PRKCE: variants seen among roughly 807,000 people sequenced by gnomAD.
The protein encoded by PRKCE is protein kinase C epsilon type.
A neutral mutation model predicts 85.4 loss-of-function variants in PRKCE; 16 were observed. The observed-to-expected ratio is 0.19, with a 90% CI of 0.13 to 0.28. PRKCE has a LOEUF of 0.28. Ranked by LOEUF, PRKCE falls within the 10% of genes least tolerant of loss-of-function variation. PRKCE has a pLI of 1.00. For missense variants in PRKCE, 573 were observed against 975.2 expected (o/e 0.59, Z 5.49); for synonymous variants, 388 against 371.5 (o/e 1.04, Z -0.51).
At chr2:46,123,634 G>A (rs369801264) in intron 11 of PRKCE, among the ~76,000 whole-genome samples, 45 of 152,214 alleles carry the variant, frequency 3.0e-4, no homozygotes, top group African/African-American at 7.2e-4. Flanking sequence ...AACTACAGGC[G>A]TGCACCACCA....
At position 45,688,042 on chromosome 2, in the gene PRKCE, A is replaced by G. The variant is rs368359321; in HGVS notation, c.348+35594A>G. 3.3e-4 allele frequency among the ~76,000 whole-genome samples: 50 copies of G among 152,320 alleles called. No individual in the cohort carries two copies. The East Asian group carries it at 4.2e-3, about 13-fold the overall frequency. ...TGGCCCTCTGGCAGTGTCTCAAGGG[A>G]GAAGTTTCTCTAGGGCCATTTTCTT... On this transcript the variant is annotated intron_variant, in intron 1 of 14. Coordinates refer to ENST00000306156, the MANE Select transcript of PRKCE (RefSeq NM_005400.3).
At chr2:46,098,626 C>A (rs1392293334) in intron 11 of PRKCE, among the ~76,000 whole-genome samples, 2 of 152,018 alleles carry the variant, frequency 1.3e-5, no homozygotes, top group African/African-American at 4.8e-5. Flanking sequence ...AATTTGACAT[C>A]AATATATTTT....
intron 10 of PRKCE, among the ~76,000 whole-genome samples, chr2:46,074,446 AAAG>A (rs1558423634): frequency 6.7e-6 from 1 of 149,930 alleles, no homozygotes; most frequent in Non-Finnish European, 1.5e-5. Flanking sequence ...AAAAAAAAAA[AAAG>A]AAAAACACGG....
intron 1 of PRKCE, among the ~76,000 whole-genome samples, chr2:45,717,557 G>T (rs771192655): frequency 5.3e-5 from 8 of 152,210 alleles, no homozygotes; most frequent in Admixed American, 3.9e-4. Context: ...AGCAAAATAC[G>T]TTCCTTCTAA....
intron 9 of PRKCE, among the ~76,000 whole-genome samples, chr2:46,008,668 C>G (rs1190285205): frequency 6.6e-6 from 1 of 152,188 alleles, no homozygotes; most frequent in African/African-American, 2.4e-5. Flanking sequence ...TGATACCACT[C>G]TGGTGGGAAG....
intron 2 of PRKCE, among the ~76,000 whole-genome samples, chr2:45,947,312 G>A (rs538085780): frequency 6.6e-6 from 1 of 152,230 alleles, no homozygotes; most frequent in Admixed American, 6.5e-5. Context: ...GAGCCAGGGG[G>A]TGGGGGAGAG....
intron 2 of PRKCE, among the ~76,000 whole-genome samples, chr2:45,906,898 C>G (rs916253457): frequency 6.6e-6 from 1 of 152,224 alleles, no homozygotes; most frequent in Admixed American, 6.5e-5. Flanking sequence ...CTGCGCTTGG[C>G]TGGGACAGTG....
At chr2:46,074,429 C>CAAAAAAAAAAAAAAAAAAAAAAAAAAA (rs11287357) in intron 10 of PRKCE, among the ~76,000 whole-genome samples, 35 of 93,772 alleles carry the variant, frequency 3.7e-4, no homozygotes, top group Non-Finnish European at 5.5e-4. Flanking sequence ...CAACAACAAC[C>CAAAAAAAAAAAAAAAAAAAAAAAAAAA]AAAAAAAAAA....
chr2:45,847,469 A>G (rs1691888050), intron 2 of PRKCE, among the ~76,000 whole-genome samples: 1 of 152,230 alleles, frequency 6.6e-6, no homozygotes, highest in African/African-American at 2.4e-5. Flanking sequence ...GACTTTTTTC[A>G]AGTTGCACAG....
At chr2:45,798,215 AG>A (rs1687590181) in intron 1 of PRKCE, among the ~76,000 whole-genome samples, 1 of 152,268 alleles carries the variant, frequency 6.6e-6, no homozygotes, top group African/African-American at 2.4e-5. Flanking sequence ...TGTAAAAGGC[AG>A]ATGGGAAAAA....
At chr2:46,136,886 C>G (rs1175336852) in intron 11 of PRKCE, among the ~76,000 whole-genome samples, 5 of 152,260 alleles carry the variant, frequency 3.3e-5, no homozygotes, top group Non-Finnish European at 5.9e-5. Context: ...TCATTTGTCC[C>G]TTTCCCCTAA....
intron 1 of PRKCE, among the ~76,000 whole-genome samples, chr2:45,708,288 T>C (rs1288431559): frequency 6.6e-6 from 1 of 152,170 alleles, no homozygotes. Flanking sequence ...AAAGCCTACA[T>C]CGTGGGAAAA....
chr2:46,158,830 G>C, intron 13 of PRKCE, among the ~76,000 whole-genome samples: 1 of 151,960 alleles, frequency 6.6e-6, no homozygotes, highest in Admixed American at 6.6e-5. Flanking sequence ...ATTGGTATAC[G>C]TATGCTCAAT....
At chr2:45,986,031 C>T (rs1412983025) in intron 6 of PRKCE, among the ~76,000 whole-genome samples, 1 of 152,182 alleles carries the variant, frequency 6.6e-6, no homozygotes, top group African/African-American at 2.4e-5. Flanking sequence ...AGGGTGGGTA[C>T]CAACATCCAA....
At chr2:46,088,616 T>C (rs530166426) in intron 11 of PRKCE, among the ~76,000 whole-genome samples, 3 of 152,304 alleles carry the variant, frequency 2.0e-5, no homozygotes, top group East Asian at 1.9e-4. Context: ...ATATCAACCA[T>C]TGACTTCAGT....
chr2:45,978,606 G>A (rs149897191), intron 3 of PRKCE: 1 of 195,954 alleles, frequency 5.1e-6, no homozygotes, highest in Non-Finnish European at 1.0e-5. Context: ...CTGGTGCTGG[G>A]AGAAGAGGAA....
intron 2 of PRKCE, among the ~76,000 whole-genome samples, chr2:45,925,948 G>C (rs1284571482): frequency 6.6e-6 from 1 of 152,198 alleles, no homozygotes; most frequent in Non-Finnish European, 1.5e-5. Context: ...CGATTCGGTG[G>C]GGGAGGCAAG....
rs996007827 is a variant in PRKCE, at chr2:45,721,974, T to C, written c.348+69526T>C. Among the ~76,000 whole-genome samples the C allele has an allele frequency of 1.4e-4, 22 of 151,920 alleles. 1 individual carries two copies. The highest frequency in any genetic ancestry group is 3.9e-4 in the Admixed American group (6 of 15,272). On this transcript the variant is annotated intron_variant, in intron 1 of 14. Transcript: ENST00000306156. ...ACTTTTGGGTCTCAAGATCAAAATTTAAGTTATTTAAATTTAAATATTTTA... is the reference window on the plus strand; with the variant it reads ...ACTTTTGGGTCTCAAGATCAAAATTCAAGTTATTTAAATTTAAATATTTTA...
intron 2 of PRKCE, among the ~76,000 whole-genome samples, chr2:45,854,629 G>A (rs1201498099): frequency 6.6e-6 from 1 of 152,236 alleles, no homozygotes; most frequent in Non-Finnish European, 1.5e-5. Flanking sequence ...CGATGGTTAA[G>A]CCAATGCTCA....
Sources: gnomAD v4.1 joint callset for allele counts (sites outside exome capture counted in the v4.1 genomes callset) on GRCh38, gnomAD v4.1.1 for gene constraint, MANE v1.5 for transcripts, NCBI Gene and HGNC (gene_info 2026-07-23, HGNC 2026-07-21) for gene names.